The following NEB variants were observed in gnomAD, a reference collection of about 807,000 sequenced individuals.
NEB encodes nebulin, also known as nemaline myopathy type 2.
A neutral mutation model predicts 952.2 loss-of-function variants in NEB; 512 were observed. The observed-to-expected ratio is 0.54, with a 90% CI of 0.50 to 0.58. NEB has a LOEUF of 0.58. Ranked by LOEUF, NEB falls within the 20% of genes least tolerant of loss-of-function variation. The pLI is 0.00. For synonymous variants in NEB, 2,900 were observed against 3,149.8 expected (o/e 0.92, Z 2.66); for missense variants, 8,428 against 9,231.1 (o/e 0.91, Z 3.56).
At chr2:151,634,281 G>T (rs2098717122) in intron 64 of NEB, among the ~76,000 whole-genome samples, 1 of 152,178 alleles carries the variant, frequency 6.6e-6, no homozygotes, top group Non-Finnish European at 1.5e-5. Flanking sequence ...GGAACCTGTA[G>T]AATTGGATTC....
chr2:151,714,807 T>A (rs2099754745), intron 10 of NEB, among the ~76,000 whole-genome samples: 2 of 152,172 alleles, frequency 1.3e-5, no homozygotes, highest in Non-Finnish European at 2.9e-5. Flanking sequence ...AAAGAAGATA[T>A]GATCCTGCTG....
chr2:151,705,371 T>G (rs2149796381), intron 13 of NEB, among the ~76,000 whole-genome samples: 1 of 152,344 alleles, frequency 6.6e-6, no homozygotes, highest in East Asian at 1.9e-4. Flanking sequence ...TATATTCCTG[T>G]CTTTATCAAC....
intron 10 of NEB, among the ~76,000 whole-genome samples, chr2:151,714,350 G>C (rs1412070573): frequency 6.6e-6 from 1 of 152,102 alleles, no homozygotes; most frequent in East Asian, 1.9e-4. Flanking sequence ...CCAGACTATT[G>C]TATGTTCTTC....
At chr2:151,659,567 C>G (rs1319919807) in intron 46 of NEB, among the ~76,000 whole-genome samples, 1 of 152,130 alleles carries the variant, frequency 6.6e-6, no homozygotes, top group Non-Finnish European at 1.5e-5. Context: ...TTCCAAAGTG[C>G]TAGTATTACA....
At chr2:151,518,608 A>G (rs561965425) in intron 155 of NEB, among the ~76,000 whole-genome samples, 186 bp from the exon 156 acceptor site, 1 of 152,380 alleles carries the variant, frequency 6.6e-6, no homozygotes, top group East Asian at 1.9e-4. Context: ...GTCCGTTAAG[A>G]TGTAAACACT....
At chr2:151,680,691 G>T in intron 30 of NEB, 39 bp downstream of exon 30, 1 of 1,380,068 alleles carries the variant, frequency 7.2e-7, no homozygotes. Flanking sequence ...ATTTGTATTA[G>T]TTAACATCTA....
At chr2:151,486,243 A>G (rs35625172) in intron 181 of NEB, 3,075 of 263,682 alleles carry the variant, frequency 0.012, 44 homozygotes, top group African/African-American at 0.029. Flanking sequence ...AAAAGCACAC[A>G]AAAGGATGCT....
Position 151,677,588 on chromosome 2 carries a change from G to A in NEB, c.3751C>T (p.Gln1251Ter), listed in dbSNP as rs777381307. 2 of 1,613,680 alleles carry A rather than the reference G, an allele frequency of 1.2e-6. No individual in the cohort carries two copies. Among genetic ancestry groups the A allele is most frequent in the Non-Finnish European group, 1.7e-6 (2 of 1,179,770 alleles). The change falls in exon 34 of 182, where the codon CAG becomes TAG. Residue 1251 changes from glutamine (Q) to a stop codon, truncating the protein, a stop_gained. Coordinates refer to ENST00000397345, the MANE Select transcript of NEB (RefSeq NM_001164508.2). LOFTEE classifies it high-confidence loss of function. ...VDSPVMVQAK[Q>*]NTKQVSDILY... is the part of the protein sequence containing the mutation. Reference sequence around the variant, plus strand: ...ACATCACTGACTTGCTTCGTGTTCTGTTTTGCCTGGACCATAACTGGGGAG... The same window carrying A: ...ACATCACTGACTTGCTTCGTGTTCTATTTTGCCTGGACCATAACTGGGGAG...
intron 169 of NEB, 125 bp downstream of exon 169, chr2:151,499,173 T>A: frequency 1.9e-6 from 1 of 525,836 alleles, no homozygotes; most frequent in Non-Finnish European, 3.3e-6. Flanking sequence ...AATGGCAGCA[T>A]TAAGTTGGGA....
intron 70 of NEB, 95 bp from the exon 71 acceptor site, chr2:151,625,733 T>G: frequency 1.4e-6 from 1 of 740,542 alleles, no homozygotes; most frequent in Non-Finnish European, 2.1e-6. Context: ...AGAGCCAGCT[T>G]TCTTGCTGTC....
At chr2:151,706,132 G>A (rs1231922645) in intron 13 of NEB, among the ~76,000 whole-genome samples, 1 of 152,118 alleles carries the variant, frequency 6.6e-6, no homozygotes, top group East Asian at 1.9e-4. Flanking sequence ...AGCTATTTGG[G>A]CAGATCCATT....
rs756352186 is a variant in NEB at position 151,553,827 on chromosome 2, C to G, written c.19626+1G>C. 6.2e-7 allele frequency: 1 copy of G among 1,606,374 alleles called. No individual in the cohort carries two copies. Among genetic ancestry groups the G allele is most frequent in the Admixed American group, 1.7e-5 (1 of 59,806 alleles). The stretch of plus-strand genomic sequence containing the variant: ...GGGTACTTCTTAAGTCACAGGCTTA[C>G]ATCGCTGATCTGATCTGTGACTTTC... On this transcript the variant is annotated splice_donor_variant, in intron 126 of 181. Coordinates refer to ENST00000397345, the MANE Select transcript of NEB (RefSeq NM_001164508.2). LOFTEE classifies it high-confidence loss of function.
intron 142 of NEB, chr2:151,534,276 T>C (rs2092589285): frequency 1.2e-6 from 2 of 1,613,550 alleles, no homozygotes; most frequent in African/African-American, 2.7e-5. Flanking sequence ...GACTACCAGG[T>C]GGTATTTATC....
chr2:151,506,076 G>GCT, intron 164 of NEB, 90 bp downstream of exon 164: 1 of 1,119,938 alleles, frequency 8.9e-7, no homozygotes, highest in Non-Finnish European at 1.4e-6. Flanking sequence ...GCTGTTTCTG[G>GCT]TGACAGAGGC....
chr2:151,655,212 T>C, intron 51 of NEB, 58 bp downstream of exon 51: 1 of 1,017,268 alleles, frequency 9.8e-7, no homozygotes, highest in East Asian at 2.7e-5. Flanking sequence ...TGTTACATTA[T>C]TTTATAAGTT....
At chr2:151,610,887 G>A in intron 78 of NEB, 21 bp from the exon 79 acceptor site, 7 of 1,486,992 alleles carry the variant, frequency 4.7e-6, no homozygotes, top group Non-Finnish European at 6.4e-6. Flanking sequence ...GGGCGGCATG[G>A]GGCATGGGGA....
rs1394686888 is a variant in NEB, at chr2:151,694,392, A to G, written c.1827T>C (p.Ile609=). Residue 609 remains isoleucine (I), a synonymous_variant, in exon 20 of 182, where the codon ATT becomes ATC. Coordinates refer to ENST00000397345, the MANE Select transcript of NEB (RefSeq NM_001164508.2). ...KDYEKNKGKM[I]GVLSINDDPK... is the part of the protein sequence containing the mutation. ...GATCGTCATTAATGCTGAGGACTCCAATCATTTTCCCTTTGTTTTTTTCAT... is the reference window on the plus strand; with the variant it reads ...GATCGTCATTAATGCTGAGGACTCCGATCATTTTCCCTTTGTTTTTTTCAT... 4 of 1,613,876 alleles carry G rather than the reference A, an allele frequency of 2.5e-6. No homozygotes were observed. The Admixed American group carries it at 6.7e-5, about 27-fold the overall frequency.
In NEB at chr2:151,541,441, G is replaced by A; in HGVS notation, c.20682+6C>T. 5.0e-6 allele frequency: 8 copies of A among 1,608,016 alleles called. No individual in the cohort carries two copies. The highest frequency in any genetic ancestry group is 6.8e-6 in the Non-Finnish European group (8 of 1,175,982). ...GAGTGGCAGGCTTATGAACCTCTGA[G>A]CTTACCTGACTCTGAAGCTTCTGCC... On this transcript the variant is annotated splice_donor_region_variant and intron_variant, in intron 136 of 181. Transcript: ENST00000397345.
chr2:151,665,853 A>G (rs2099209691), intron 41 of NEB, among the ~76,000 whole-genome samples: 1 of 152,204 alleles, frequency 6.6e-6, no homozygotes. Context: ...CTAATTTTTC[A>G]TAGACAACAT....
Sources: allele counts gnomAD v4.1 joint callset (sites outside exome capture counted in the v4.1 genomes callset), GRCh38; gene constraint gnomAD v4.1.1; transcripts MANE v1.5; gene names NCBI Gene and HGNC (gene_info 2026-07-23, HGNC 2026-07-21).